CDH13: variants seen among roughly 807,000 people sequenced by gnomAD.
CDH13 encodes cadherin 13.
CDH13 carries 24 observed loss-of-function variants against 63.8 expected under a neutral mutation model. The observed-to-expected ratio is 0.38, with a 90% CI of 0.27 to 0.53. The LOEUF (loss-of-function observed/expected upper bound fraction) is 0.53. CDH13 is among the 20% of genes least tolerant of loss of function. CDH13 has a pLI of 0.85. For missense variants in CDH13, 1,049 were observed against 903.1 expected (o/e 1.16, Z -2.07); for synonymous variants, 503 against 355.3 (o/e 1.42, Z -4.67).
intron 5 of CDH13, among the ~76,000 whole-genome samples, chr16:83,321,217 T>G (rs534148025): frequency 9.2e-5 from 14 of 152,332 alleles, no homozygotes; most frequent in Non-Finnish European, 1.9e-4. Context: ...ATTATTAACG[T>G]GCTAATTCAG....
intron 1 of CDH13, among the ~76,000 whole-genome samples, chr16:82,760,208 C>T (rs1357443624): frequency 2.6e-5 from 4 of 152,160 alleles, no homozygotes; most frequent in Non-Finnish European, 5.9e-5. Context: ...GACATAAGCA[C>T]CCGGCTCATT....
chr16:83,666,204 A>C (rs1913935066), intron 8 of CDH13, among the ~76,000 whole-genome samples: 1 of 152,232 alleles, frequency 6.6e-6, no homozygotes, highest in African/African-American at 2.4e-5. Context: ...CAAAGTGAGC[A>C]TTGCTATAGA....
chr16:83,087,548 G>T (rs1374252706), intron 3 of CDH13, among the ~76,000 whole-genome samples: 1 of 151,596 alleles, frequency 6.6e-6, no homozygotes. Flanking sequence ...TGTGCCTATA[G>T]TCCCAGCTAC....
intron 7 of CDH13, among the ~76,000 whole-genome samples, chr16:83,577,957 A>G (rs1905205550): frequency 6.6e-6 from 1 of 152,164 alleles, no homozygotes; most frequent in Admixed American, 6.5e-5. Context: ...CTTTTCCACA[A>G]AAATGAGAGT....
intron 7 of CDH13, among the ~76,000 whole-genome samples, chr16:83,574,746 C>G (rs889016229): frequency 6.6e-6 from 1 of 152,278 alleles, no homozygotes; most frequent in African/African-American, 2.4e-5. Flanking sequence ...TGTTAAGATT[C>G]CCATGTAACA....
At chr16:83,263,652 T>C (rs1266135993) in intron 5 of CDH13, among the ~76,000 whole-genome samples, 1 of 152,240 alleles carries the variant, frequency 6.6e-6, no homozygotes, top group Admixed American at 6.5e-5. Context: ...CCATTACCAC[T>C]GCTTCTTCTG....
intron 10 of CDH13, among the ~76,000 whole-genome samples, chr16:83,738,196 C>T (rs1233100996): frequency 6.6e-6 from 1 of 152,208 alleles, no homozygotes; most frequent in Non-Finnish European, 1.5e-5. Flanking sequence ...TCCTGTCTCC[C>T]TGCTGGAGTG....
At chr16:82,939,400 G>A in intron 2 of CDH13, among the ~76,000 whole-genome samples, 1 of 144,340 alleles carries the variant, frequency 6.9e-6, no homozygotes, top group East Asian at 2.3e-4. Flanking sequence ...TCCAGCCTGG[G>A]TGACAGAGTA....
At chr16:83,286,968 T>C (rs781351391) in intron 5 of CDH13, among the ~76,000 whole-genome samples, 1 of 152,078 alleles carries the variant, frequency 6.6e-6, no homozygotes, top group African/African-American at 2.4e-5. Context: ...TATTATAACC[T>C]GTACCCCATA....
At chr16:82,687,736 G>A (rs1392497003) in intron 1 of CDH13, among the ~76,000 whole-genome samples, 1 of 152,100 alleles carries the variant, frequency 6.6e-6, no homozygotes, top group African/African-American at 2.4e-5. Flanking sequence ...ATATCAGTGG[G>A]ATAGATATCA....
intron 5 of CDH13, among the ~76,000 whole-genome samples, chr16:83,323,415 G>C (rs1377148434): frequency 8.6e-5 from 13 of 150,722 alleles, no homozygotes; most frequent in Non-Finnish European, 1.9e-4. Context: ...TGATTAGCTG[G>C]GATTACAGGT....
intron 3 of CDH13, among the ~76,000 whole-genome samples, chr16:83,100,262 A>G (rs1475599670): frequency 6.6e-6 from 1 of 152,184 alleles, no homozygotes; most frequent in East Asian, 1.9e-4. Flanking sequence ...ATAAATAAGT[A>G]AAATATGTGG....
At chr16:83,262,389 A>T (rs1907100760) in intron 5 of CDH13, among the ~76,000 whole-genome samples, 1 of 152,188 alleles carries the variant, frequency 6.6e-6, no homozygotes, top group Non-Finnish European at 1.5e-5. Context: ...GTCTCACCTG[A>T]AATGCTTGTC....
chr16:82,773,940 C>G (rs1459648065), intron 1 of CDH13, among the ~76,000 whole-genome samples: 1 of 152,022 alleles, frequency 6.6e-6, no homozygotes, highest in Non-Finnish European at 1.5e-5. Context: ...CCCACCACCA[C>G]CCCTGGCTGA....
At chr16:83,144,184 A>G (rs544823188) in intron 4 of CDH13, among the ~76,000 whole-genome samples, 6 of 152,194 alleles carry the variant, frequency 3.9e-5, no homozygotes, top group Middle Eastern at 3.4e-3. Context: ...GAGCCTACAG[A>G]TGTGGTAAGT....
intron 5 of CDH13, among the ~76,000 whole-genome samples, chr16:83,330,443 C>G (rs2090456617): frequency 6.6e-6 from 1 of 152,190 alleles, no homozygotes; most frequent in Non-Finnish European, 1.5e-5. Context: ...GAGTGTGCCA[C>G]TGCAAGAGGA....
rs1046827324 is a variant in CDH13 at position 83,646,941 on chromosome 16, T to C, written c.1102-23849T>C. ...TTGCAGTCCACATCACAGCATCATT[T>C]ACGTTTTGTCCTTTCCTGGAGGTCT... On this transcript the variant is annotated intron_variant, in intron 8 of 13. Coordinates refer to ENST00000567109, the MANE Select transcript of CDH13 (RefSeq NM_001257.5). 2.0e-5 allele frequency among the ~76,000 whole-genome samples: 3 copies of C among 152,018 alleles called. No homozygotes were observed. The South Asian group carries it at 6.2e-4, about 31-fold the overall frequency.
intron 1 of CDH13, among the ~76,000 whole-genome samples, chr16:82,851,372 G>C (rs982824566): frequency 6.6e-6 from 1 of 151,210 alleles, no homozygotes; most frequent in Non-Finnish European, 1.5e-5. Context: ...GAGGCGGAGG[G>C]TGCAGTGAGC....
chr16:83,536,594 C>T (rs1012500229), intron 7 of CDH13, among the ~76,000 whole-genome samples: 1 of 151,946 alleles, frequency 6.6e-6, no homozygotes, highest in East Asian at 1.9e-4. Context: ...TGTCTTTATA[C>T]TAATGGAAAT....
Sources: allele counts gnomAD v4.1 joint callset (sites outside exome capture counted in the v4.1 genomes callset), GRCh38; gene constraint gnomAD v4.1.1; transcripts MANE v1.5; gene names NCBI Gene and HGNC (gene_info 2026-07-23, HGNC 2026-07-21).